RASGRP1: variants seen among roughly 807,000 people sequenced by gnomAD.
RASGRP1 encodes RAS guanyl-releasing protein 1.
A neutral mutation model predicts 95.1 loss-of-function variants in RASGRP1; 37 were observed. That is an observed-to-expected ratio of 0.39 (90% CI 0.30 to 0.51). RASGRP1 has a LOEUF of 0.51. RASGRP1 is among the 20% of genes least tolerant of loss of function. The probability of loss-of-function intolerance (pLI) is 0.80; values close to 1 mark genes in which losing one functional copy is unlikely to be tolerated. For synonymous variants in RASGRP1, 325 were observed against 353.4 expected, an observed-to-expected ratio of 0.92 and a Z score of 0.90; for missense variants, 711 against 965.4, an observed-to-expected ratio of 0.74 and a Z score of 3.49.
At chr15:38,527,305 G>A (rs1892258848) in intron 2 of RASGRP1, among the ~76,000 whole-genome samples, 2 of 152,138 alleles carry the variant, frequency 1.3e-5, no homozygotes, top group Non-Finnish European at 2.9e-5. Flanking sequence ...GTGGAGGGAA[G>A]TCAGGATATT....
At chr15:38,539,617 A>G (rs890259451) in intron 2 of RASGRP1, among the ~76,000 whole-genome samples, 1 of 151,724 alleles carries the variant, frequency 6.6e-6, no homozygotes, top group Admixed American at 6.6e-5. Flanking sequence ...CATGTGCACA[A>G]TGTGCAGGTT....
At chr15:38,498,227 A>G (rs1890869422) in intron 15 of RASGRP1, among the ~76,000 whole-genome samples, 1 of 152,114 alleles carries the variant, frequency 6.6e-6, no homozygotes. Context: ...CTCTGTTACT[A>G]TGCAGAAATC....
At chr15:38,559,336 C>A (rs926620048) in intron 2 of RASGRP1, among the ~76,000 whole-genome samples, 1 of 152,174 alleles carries the variant, frequency 6.6e-6, no homozygotes, top group South Asian at 2.1e-4. Context: ...AGTGTCTTCT[C>A]GTCACAAACC....
chr15:38,562,546 T>A (rs1893853216), intron 1 of RASGRP1, among the ~76,000 whole-genome samples: 1 of 152,198 alleles, frequency 6.6e-6, no homozygotes, highest in African/African-American at 2.4e-5. Flanking sequence ...AGCTGCTGCC[T>A]TTGTCACCAT....
chr15:38,558,296 A>G (rs1214693720), intron 2 of RASGRP1, among the ~76,000 whole-genome samples: 1 of 152,202 alleles, frequency 6.6e-6, no homozygotes, highest in Admixed American at 6.5e-5. Context: ...TCCTCGCAGT[A>G]TATTTTCTAA....
chr15:38,540,980 A>C (rs1294081196), intron 2 of RASGRP1, among the ~76,000 whole-genome samples: 2 of 152,184 alleles, frequency 1.3e-5, no homozygotes, highest in Non-Finnish European at 2.9e-5. Context: ...TGTCCTGCTC[A>C]ATTACTCAAC....
chr15:38,526,783 T>C (rs1892241575), intron 2 of RASGRP1, among the ~76,000 whole-genome samples: 1 of 152,178 alleles, frequency 6.6e-6, no homozygotes, highest in Admixed American at 6.5e-5. Flanking sequence ...TGAGAAAAGT[T>C]GGTTTTTAAT....
At chr15:38,551,931 A>G (rs1893356013) in intron 2 of RASGRP1, among the ~76,000 whole-genome samples, 1 of 152,254 alleles carries the variant, frequency 6.6e-6, no homozygotes, top group Non-Finnish European at 1.5e-5. Context: ...AGTGCCTGTT[A>G]CCATGCAGTG....
intron 15 of RASGRP1, among the ~76,000 whole-genome samples, chr15:38,498,162 C>T (rs1890866556): frequency 6.6e-6 from 1 of 152,080 alleles, no homozygotes; most frequent in Non-Finnish European, 1.5e-5. Context: ...TGGATTTTTC[C>T]TTCTCAATTT....
In RASGRP1 at chr15:38,511,618, G is replaced by A. The variant is rs775746697; in HGVS notation, c.952C>T (p.His318Tyr). The A allele has an allele frequency of 5.0e-6, 8 of 1,612,912 alleles. No individual in the cohort carries two copies. The highest frequency in any genetic ancestry group is 6.8e-6 in the Non-Finnish European group (8 of 1,178,988). The change falls in exon 8 of 17, where the codon CAT becomes TAT. Residue 318 changes from histidine (H) to tyrosine (Y), a missense_variant. By Grantham distance (83) the His-to-Tyr change is moderately conservative. Around this residue, in one of 3 missense-constraint regions of RASGRP1, gnomAD observed 491 missense variants for 676.6 expected, o/e 0.73. Coordinates refer to ENST00000310803, the MANE Select transcript of RASGRP1 (RefSeq NM_005739.4). ...RLKETSSHVP[H>Y]EINKVLGEMT... is the part of the protein sequence containing the mutation. ...GTAGCACTGACCTTATTGATTTCAT[G>A]TGGGACATGCGAACTTGTCTCCTTG...
chr15:38,511,096 A>G (rs1356044753), intron 8 of RASGRP1, among the ~76,000 whole-genome samples: 1 of 152,260 alleles, frequency 6.6e-6, no homozygotes, highest in Non-Finnish European at 1.5e-5. Flanking sequence ...ATGTATTACA[A>G]AATGGTATCT....
chr15:38,550,367 A>T (rs540742109), intron 2 of RASGRP1, among the ~76,000 whole-genome samples: 3 of 152,122 alleles, frequency 2.0e-5, no homozygotes, highest in Admixed American at 6.6e-5. Flanking sequence ...AATACAAAAT[A>T]AAAAAAAGTT....
At chr15:38,514,888 C>G (rs1316055209) in intron 6 of RASGRP1, among the ~76,000 whole-genome samples, 1 of 152,194 alleles carries the variant, frequency 6.6e-6, no homozygotes, top group African/African-American at 2.4e-5. Flanking sequence ...TTTTCAGTGG[C>G]TCAGCTCTGA....
intron 3 of RASGRP1, among the ~76,000 whole-genome samples, chr15:38,525,250 G>A (rs1406063712): frequency 1.3e-5 from 2 of 152,136 alleles, no homozygotes; most frequent in Non-Finnish European, 2.9e-5. Context: ...TTACAGATGT[G>A]AGCTACTGTG....
rs761178833 is a variant in RASGRP1, at chr15:38,518,337, G to A, written c.476C>T (p.Ala159Val). The A allele has an allele frequency of 1.1e-4, 171 of 1,610,006 alleles. No homozygotes were observed. Among genetic ancestry groups the A allele is most frequent in the Non-Finnish European group, 1.4e-4 (160 of 1,178,280 alleles). ...GCGGCAATGTAACTCCTCACCCTTA[G>A]CTTTCACCAGTTCCTGAAACTCCTC... is the stretch of plus-strand genomic sequence containing the variant. ...TMEEFQELVK[A>V]KGEELHCRLI... Residue 159 changes from alanine (A) to valine (V), a missense_variant, in exon 5 of 17, where the codon GCT becomes GTT. By Grantham distance (64) the Ala-to-Val change is moderately conservative (BLOSUM62 0). This residue lies in a region of RASGRP1 where 491 missense variants were observed against 676.6 expected (regional missense o/e 0.73). Coordinates refer to ENST00000310803, the MANE Select transcript of RASGRP1 (RefSeq NM_005739.4).
chr15:38,499,116 G>T, intron 14 of RASGRP1, 170 bp from the exon 15 acceptor site: 1 of 906,390 alleles, frequency 1.1e-6, no homozygotes, highest in Non-Finnish European at 1.8e-6. Context: ...ACTTGGTGAA[G>T]CCCAGAGCTC....
chr15:38,545,960 A>G (rs1893088044), intron 2 of RASGRP1, among the ~76,000 whole-genome samples: 1 of 152,196 alleles, frequency 6.6e-6, no homozygotes, highest in Non-Finnish European at 1.5e-5. Context: ...GAAAATTTAA[A>G]TTATAACACT....
intron 6 of RASGRP1, among the ~76,000 whole-genome samples, chr15:38,514,607 C>T (rs913878944): frequency 1.3e-5 from 2 of 151,986 alleles, no homozygotes; most frequent in South Asian, 2.1e-4. Context: ...TAGCACTGTA[C>T]AGGAAAAACA....
intron 2 of RASGRP1, among the ~76,000 whole-genome samples, chr15:38,549,511 T>G (rs1050086664): frequency 6.6e-6 from 1 of 152,168 alleles, no homozygotes; most frequent in Non-Finnish European, 1.5e-5. Context: ...GAGACAGACA[T>G]AGCTCCATTT....
Sources: allele counts gnomAD v4.1 joint callset (sites outside exome capture counted in the v4.1 genomes callset), GRCh38; gene constraint gnomAD v4.1.1; regional missense constraint gnomAD v4.1.1; transcripts MANE v1.5; gene names NCBI Gene and HGNC (gene_info 2026-07-23, HGNC 2026-07-21).